Variants in STAM2 observed in about 807,000 individuals in gnomAD.
STAM2 encodes signal transducing adaptor molecule 2.
Under a neutral mutation model 65.6 loss-of-function variants are expected in STAM2, and 51 were observed. The observed-to-expected ratio is 0.78, with a 90% CI of 0.62 to 0.98. The LOEUF is 0.98. STAM2 is among the 50% of genes least tolerant of loss of function. The pLI is 0.00. For synonymous variants in STAM2, 198 were observed against 208.4 expected (o/e 0.95, Z 0.43); for missense variants, 584 against 617.8 (o/e 0.95, Z 0.58).
intron 7 of STAM2, among the ~76,000 whole-genome samples, chr2:152,136,892 CTTT>C (rs746931542): frequency 2.3e-5 from 3 of 130,102 alleles, no homozygotes; most frequent in African/African-American, 2.9e-5. Context: ...AAACATTTTT[CTTT>C]TTTTTTTTTT....
intron 1 of STAM2, among the ~76,000 whole-genome samples, chr2:152,151,003 G>A (rs374291393): frequency 6.6e-6 from 1 of 151,718 alleles, no homozygotes; most frequent in African/African-American, 2.4e-5. Flanking sequence ...CTGAAGCACT[G>A]TTTTCAATAG....
intron 8 of STAM2, among the ~76,000 whole-genome samples, chr2:152,134,502 G>A (rs1689117330): frequency 6.6e-6 from 1 of 152,116 alleles, no homozygotes; most frequent in Non-Finnish European, 1.5e-5. Flanking sequence ...TTTTCTGAAT[G>A]TATCACTCTA....
At chr2:152,171,490 G>A (rs1689898306) in intron 1 of STAM2, among the ~76,000 whole-genome samples, 1 of 152,138 alleles carries the variant, frequency 6.6e-6, no homozygotes, top group Admixed American at 6.5e-5. Context: ...ATAAATTTGT[G>A]TGTATGTTAT....
At chr2:152,145,527 AAATATT>A (rs1247329757) in intron 5 of STAM2, among the ~76,000 whole-genome samples, 1 of 152,252 alleles carries the variant, frequency 6.6e-6, no homozygotes, top group African/African-American at 2.4e-5. Context: ...GAAAGTACTT[AAATATT>A]AATAGAATTT....
chr2:152,158,767 G>A (rs969621750), intron 1 of STAM2, among the ~76,000 whole-genome samples: 2 of 152,070 alleles, frequency 1.3e-5, no homozygotes, highest in African/African-American at 4.8e-5. Flanking sequence ...TCTGGTCAGG[G>A]CCTTCTTACT....
At chr2:152,172,622 A>G (rs1026513493) in intron 1 of STAM2, among the ~76,000 whole-genome samples, 45 of 152,106 alleles carry the variant, frequency 3.0e-4, no homozygotes, top group Non-Finnish European at 5.9e-5. Context: ...TAATCTCAAC[A>G]CTTTGGGAGG....
In STAM2 at chr2:152,142,547, T is replaced by A. The variant is rs114329144; in HGVS notation, c.704+1280A>T. On this transcript the variant is annotated intron_variant, in intron 7 of 13. Coordinates refer to ENST00000263904, the MANE Select transcript of STAM2 (RefSeq NM_005843.6). Reference sequence around the variant, plus strand: ...AGTGTCAAACTCATGATGGCATGACTTACGATGGTGCAAAAGTGATACACA... The same window carrying A: ...AGTGTCAAACTCATGATGGCATGACATACGATGGTGCAAAAGTGATACACA... Among the ~76,000 whole-genome samples the A allele has an allele frequency of 3.2e-3, 485 of 152,296 alleles. 1 individual carries two copies. The highest frequency in any genetic ancestry group is 0.011 in the African/African-American group (455 of 41,578).
chr2:152,130,473 G>T (rs925900437), intron 11 of STAM2, among the ~76,000 whole-genome samples: 3 of 151,780 alleles, frequency 2.0e-5, no homozygotes, highest in Non-Finnish European at 4.4e-5. Flanking sequence ...GGATGGTCTC[G>T]ATCTCCTGAC....
intron 12 of STAM2, among the ~76,000 whole-genome samples, chr2:152,125,587 A>G (rs978100334): frequency 7.2e-5 from 11 of 152,218 alleles, no homozygotes; most frequent in Admixed American, 6.5e-4. Flanking sequence ...AAAAAAGGTG[A>G]AAAGTACTGG....
intron 1 of STAM2, among the ~76,000 whole-genome samples, chr2:152,156,700 C>T (rs1266945674): frequency 2.0e-5 from 3 of 152,128 alleles, no homozygotes; most frequent in Non-Finnish European, 4.4e-5. Context: ...GGCTCCCCCC[C>T]TTACAGTCAT....
Position 152,133,448 on chromosome 2 carries a change from A to C in STAM2, c.836T>G (p.Val279Gly). Residue 279 changes from valine to glycine, a missense_variant, in exon 9 of 14, where the codon GTG (valine) becomes GGG (glycine). Physicochemically the swap from Val to Gly is moderately radical, Grantham distance 109. Transcript: ENST00000263904. ...VDKLNVIDDD[V>G]EEIKKSEPEP... The stretch of plus-strand genomic sequence containing the variant: ...AGGCTCTGATTTCTTAATTTCCTCC[A>C]CATCATCATCAATTACATTCAATTT... The C allele has an allele frequency of 6.2e-7, 1 of 1,612,968 alleles. No homozygotes were observed. The highest frequency in any genetic ancestry group is 1.1e-5 in the South Asian group (1 of 90,964).
intron 7 of STAM2, among the ~76,000 whole-genome samples, chr2:152,139,628 A>C (rs1360319549): frequency 1.3e-5 from 2 of 152,222 alleles, no homozygotes; most frequent in Non-Finnish European, 2.9e-5. Context: ...CTGACTAAAA[A>C]TATGTTATCT....
chr2:152,140,996 G>A (rs998119610), intron 7 of STAM2, among the ~76,000 whole-genome samples: 2 of 151,802 alleles, frequency 1.3e-5, no homozygotes, highest in African/African-American at 4.8e-5. Context: ...AAAATTAGCC[G>A]GGCATGGTGG....
Position 152,116,979 on chromosome 2 carries a change from A to C in STAM2, c.*3595T>G, listed in dbSNP as rs939011510. On this transcript the variant is annotated 3_prime_UTR_variant, in exon 14 of 14. Transcript: ENST00000263904. Reference sequence around the variant, plus strand: ...TCAGGCATCCACTGGGGATCTTGCAAATGTATCCACCACAGATAAGGGCGG... The same window carrying C: ...TCAGGCATCCACTGGGGATCTTGCACATGTATCCACCACAGATAAGGGCGG... 2 of 152,306 alleles carry C rather than the reference A, an allele frequency of 1.3e-5. No homozygotes were observed. The highest frequency in any genetic ancestry group is 4.8e-5 in the African/African-American group (2 of 41,422). The allele number at this position is 152,306 out of a possible 1,614,324, so 9.4% of individuals were successfully genotyped here. A position where few individuals can be genotyped will look rare whatever the true frequency, so the allele number is the denominator to read the frequency against.
At chr2:152,127,984 T>C (rs191546424) in intron 11 of STAM2, among the ~76,000 whole-genome samples, 1 of 152,124 alleles carries the variant, frequency 6.6e-6, no homozygotes, top group South Asian at 2.1e-4. Context: ...ACCAAGTAAA[T>C]AGCCTGGACT....
chr2:152,137,246 C>A (rs1000726999), intron 7 of STAM2, among the ~76,000 whole-genome samples: 1 of 152,088 alleles, frequency 6.6e-6, no homozygotes, highest in Non-Finnish European at 1.5e-5. Context: ...TGTGAAAATT[C>A]ACCTTTCTCC....
At position 152,123,878 on chromosome 2, in the gene STAM2, T is replaced by C; in HGVS notation, c.1237A>G (p.Thr413Ala). The C allele has an allele frequency of 1.9e-6, 3 of 1,614,128 alleles. No homozygotes were observed. Among genetic ancestry groups the C allele is most frequent in the Non-Finnish European group, 2.5e-6 (3 of 1,179,986 alleles). ...CCTAGGCTATAGCTTTGGGCAACAG[T>C]TACTTGGTGAATGCTCTGACCCATA... The part of the protein sequence containing the change: ...NYMGQSIHQV[T>A]VAQSYSLGPD... The change falls in exon 13 of 14, where the codon ACT becomes GCT. Residue 413 changes from threonine to alanine, a missense_variant. Coordinates refer to ENST00000263904, the MANE Select transcript of STAM2 (RefSeq NM_005843.6).
Position 152,150,221 on chromosome 2 carries a change from T to C in STAM2, c.49A>G (p.Thr17Ala), listed in dbSNP as rs897712552. The C allele has an allele frequency of 6.2e-7, 1 of 1,611,850 alleles. No individual in the cohort carries two copies. The highest frequency in any genetic ancestry group is 8.5e-7 in the Non-Finnish European group (1 of 1,178,350). The change falls in exon 2 of 14, where the codon ACG (threonine) becomes GCG (alanine). Residue 17 changes from threonine to alanine, a missense_variant. Thr to Ala is a moderately conservative substitution (Grantham distance 58). Transcript: ENST00000263904. The stretch of plus-strand genomic sequence containing the variant: ...TCTTCTGTAGTGTTGTACTCATTCG[T>C]GGCTTTTTCTATAAAATATATTGGC... ...NPFEQDVEKA[T>A]NEYNTTEDWS...
chr2:152,173,825 T>G (rs1689954403), intron 1 of STAM2, among the ~76,000 whole-genome samples: 1 of 152,250 alleles, frequency 6.6e-6, no homozygotes, highest in Admixed American at 6.5e-5. Flanking sequence ...CTTTTTCTAA[T>G]TCCATTCTCT....
Sources: allele counts gnomAD v4.1 joint callset (sites outside exome capture counted in the v4.1 genomes callset), GRCh38; gene constraint gnomAD v4.1.1; transcripts MANE v1.5; gene names NCBI Gene and HGNC (gene_info 2026-07-23, HGNC 2026-07-21).